ENTPD1: variants seen among roughly 807,000 people sequenced by gnomAD.
ENTPD1 encodes the protein ectonucleoside triphosphate diphosphohydrolase 1.
In ENTPD1, 33 loss-of-function variants were observed where a neutral mutation model predicts 57.0. The ratio of observed to expected loss-of-function variants is 0.58; its 90% CI spans 0.44 to 0.77. The LOEUF is 0.77. ENTPD1 is among the 30% of genes least tolerant of loss of function. The probability of loss-of-function intolerance (pLI) is 0.00; values close to 1 mark genes in which losing one functional copy is unlikely to be tolerated. For synonymous variants in ENTPD1, 202 were observed against 218.8 expected, an observed-to-expected ratio of 0.92 and a Z score of 0.68; for missense variants, 501 against 603.4, an observed-to-expected ratio of 0.83 and a Z score of 1.78.
chr10:95,834,719 G>A (rs2098405365), intron 2 of ENTPD1, among the ~76,000 whole-genome samples: 1 of 152,044 alleles, frequency 6.6e-6, no homozygotes, highest in Non-Finnish European at 1.5e-5. Context: ...CAGTCTCAGT[G>A]AGCTTAGGGT....
intron 2 of ENTPD1, among the ~76,000 whole-genome samples, chr10:95,831,861 T>C (rs1048471904): frequency 6.6e-6 from 1 of 152,254 alleles, no homozygotes; most frequent in Non-Finnish European, 1.5e-5. Context: ...TGGATTTCAT[T>C]TGTCTTTGTT....
chr10:95,823,495 T>G, intron 2 of ENTPD1, 131 bp downstream of exon 2: 1 of 1,382,100 alleles, frequency 7.2e-7, no homozygotes, highest in Non-Finnish European at 1.0e-6. Flanking sequence ...CAAGTCAATT[T>G]CCACTGGATT....
At chr10:95,756,363 C>A (rs1174538563) in intron 1 of ENTPD1, 108 bp downstream of exon 1, 1 of 1,244,284 alleles carries the variant, frequency 8.0e-7, no homozygotes, top group African/African-American at 1.5e-5. Flanking sequence ...GCAAAAAGCC[C>A]TGAATGAACT....
chr10:95,862,808 A>G (rs1343199411), intron 8 of ENTPD1, among the ~76,000 whole-genome samples: 1 of 152,212 alleles, frequency 6.6e-6, no homozygotes, highest in African/African-American at 2.4e-5. Flanking sequence ...GTTATATTTC[A>G]GTGTACTCTG....
chr10:95,831,367 C>T (rs7915682), intron 2 of ENTPD1, among the ~76,000 whole-genome samples: 5,685 of 152,288 alleles, frequency 0.037, 130 homozygotes, highest in Non-Finnish European at 0.049. Context: ...TTTGAATCTT[C>T]GCTGTGCTCT....
chr10:95,708,774 TA>T (rs2097963518), upstream of ENTPD1, among the ~76,000 whole-genome samples: 1 of 152,164 alleles, frequency 6.6e-6, no homozygotes, highest in Non-Finnish European at 1.5e-5. Flanking sequence ...TCATTTACAC[TA>T]AAAAAGGCAC....
At chr10:95,797,773 A>G (rs1250714318) in intron 1 of ENTPD1, among the ~76,000 whole-genome samples, 1 of 152,162 alleles carries the variant, frequency 6.6e-6, no homozygotes, top group Non-Finnish European at 1.5e-5. Flanking sequence ...TGAGGGATCC[A>G]CCCCTGTGAC....
At chr10:95,771,280 T>C (rs1280103322) in intron 1 of ENTPD1, among the ~76,000 whole-genome samples, 1 of 152,214 alleles carries the variant, frequency 6.6e-6, no homozygotes, top group Non-Finnish European at 1.5e-5. Flanking sequence ...TTCCAAATTA[T>C]TTTTCAAAAA....
At chr10:95,844,306 C>CA (rs2098429198) in intron 4 of ENTPD1, among the ~76,000 whole-genome samples, 170 bp from the exon 5 acceptor site, 1 of 152,064 alleles carries the variant, frequency 6.6e-6, no homozygotes, top group Non-Finnish European at 1.5e-5. Flanking sequence ...CTGCCTCATC[C>CA]AAAAAAGGGG....
At position 95,845,653 on chromosome 10, in the gene ENTPD1, A is replaced by T. The variant is rs1440753558; in HGVS notation, c.813+57A>T. 2.5e-6 allele frequency: 4 copies of T among 1,613,738 alleles called. No individual in the cohort carries two copies. In the Admixed American group the frequency reaches 5.0e-5, roughly 20 times the overall value. On this transcript the variant is annotated intron_variant, in intron 6 of 9. Coordinates refer to ENST00000371205, the MANE Select transcript of ENTPD1 (RefSeq NM_001776.6). ...TCACATCTGCACCTCCAGCCCCCACATCCTGTTGTTTTCTGTTTCAAATTC... is the reference window on the plus strand; with the variant it reads ...TCACATCTGCACCTCCAGCCCCCACTTCCTGTTGTTTTCTGTTTCAAATTC...
intron 1 of ENTPD1, among the ~76,000 whole-genome samples, chr10:95,719,034 A>T (rs758725200): frequency 6.6e-6 from 1 of 152,214 alleles, no homozygotes; most frequent in Non-Finnish European, 1.5e-5. Context: ...CTCCTTTAGC[A>T]GTGAGTATGC....
chr10:95,781,484 T>C (rs1204281088), intron 1 of ENTPD1, among the ~76,000 whole-genome samples: 4 of 152,174 alleles, frequency 2.6e-5, no homozygotes, highest in Admixed American at 2.6e-4. Flanking sequence ...CTTGAGGTGA[T>C]GGATACCTCA....
chr10:95,829,606 T>G (rs547489505), intron 2 of ENTPD1, among the ~76,000 whole-genome samples: 1 of 152,292 alleles, frequency 6.6e-6, no homozygotes, highest in South Asian at 2.1e-4. Flanking sequence ...GTGAGGGTTC[T>G]TCGTACAAAT....
chr10:95,790,149 G>T (rs2098197548), intron 1 of ENTPD1, among the ~76,000 whole-genome samples: 1 of 152,186 alleles, frequency 6.6e-6, no homozygotes, highest in South Asian at 2.1e-4. Flanking sequence ...CTGCAGCGGT[G>T]GTTGCCCACC....
chr10:95,741,745 G>A (rs1427271705), intron 1 of ENTPD1, among the ~76,000 whole-genome samples: 2 of 152,184 alleles, frequency 1.3e-5, no homozygotes, highest in Admixed American at 6.5e-5. Flanking sequence ...AGGGTTAGCT[G>A]GAAGACTTGA....
Position 95,868,845 on chromosome 10 carries a change from C to T in ENTPD1, c.*2462C>T. The T allele has an allele frequency of 3.0e-6, 3 of 985,276 alleles. No homozygotes were observed. The highest frequency in any genetic ancestry group is 3.6e-6 in the Non-Finnish European group (3 of 829,916). 61.0% of individuals were successfully genotyped at this position (985,276 alleles called of 1,614,324 possible). A position where few individuals can be genotyped will look rare whatever the true frequency, so the allele number is the denominator to read the frequency against. ...GTTTGGTTGCCTACGTCCAATCTCC[C>T]CCTCCCCAGAGATGCCAAAAAAAAA... On this transcript the variant is annotated 3_prime_UTR_variant, in exon 10 of 10. Transcript: ENST00000371205.
chr10:95,782,022 C>A (rs1315093052), intron 1 of ENTPD1, among the ~76,000 whole-genome samples: 1 of 152,216 alleles, frequency 6.6e-6, no homozygotes, highest in East Asian at 1.9e-4. Context: ...ACTCCTTTCT[C>A]TTCTTTAGAA....
intron 1 of ENTPD1, among the ~76,000 whole-genome samples, chr10:95,757,618 G>C (rs2098033245): frequency 6.6e-6 from 1 of 152,172 alleles, no homozygotes; most frequent in African/African-American, 2.4e-5. Flanking sequence ...TCTATGAGAA[G>C]CAGGTATTGT....
At chr10:95,722,266 T>C (rs574381775) in intron 1 of ENTPD1, among the ~76,000 whole-genome samples, 4 of 151,588 alleles carry the variant, frequency 2.6e-5, no homozygotes, top group Non-Finnish European at 5.9e-5. Flanking sequence ...GTTCATTGTT[T>C]TTTTGTTTTT....
Sources: gnomAD v4.1 joint callset for allele counts (sites outside exome capture counted in the v4.1 genomes callset) on GRCh38, gnomAD v4.1.1 for gene constraint, MANE v1.5 for transcripts, NCBI Gene and HGNC (gene_info 2026-07-23, HGNC 2026-07-21) for gene names.